PDE4B: variants seen among roughly 807,000 people sequenced by gnomAD.
PDE4B encodes the protein phosphodiesterase 4B.
Under a neutral mutation model 82.2 loss-of-function variants are expected in PDE4B, and 20 were observed. The observed-to-expected ratio is 0.24, with a 90% confidence interval of 0.17 to 0.35. PDE4B has a LOEUF of 0.35. PDE4B is among the 10% of genes least tolerant of loss of function. PDE4B has a pLI of 1.00. For synonymous variants in PDE4B, 320 were observed against 318.9 expected, an observed-to-expected ratio of 1.00 and a Z score of -0.04; for missense variants, 655 against 907.2, an observed-to-expected ratio of 0.72 and a Z score of 3.57.
Position 65,918,744 on chromosome 1 carries a change from A to G in PDE4B, c.190A>G (p.Arg64Gly). 1 of 1,613,960 alleles carries G rather than the reference A, an allele frequency of 6.2e-7. No individual in the cohort carries two copies. The highest frequency in any genetic ancestry group is 8.5e-7 in the Non-Finnish European group (1 of 1,179,796). Residue 64 changes from arginine to glycine, a missense_variant, in exon 3 of 17, where the codon AGG (arginine) becomes GGG (glycine). This residue lies in a region of PDE4B where 253 missense variants were observed against 275.6 expected (regional missense o/e 0.92). Transcript: ENST00000341517. ...PLSQRQSERA[R>G]TPEGDGISRP... ...GTCTCAAAGACAGAGTGAAAGGGCA[A>G]GGACTCCTGAGGGAGATGGTATTTC...
intron 3 of PDE4B, among the ~76,000 whole-genome samples, chr1:66,163,146 T>C (rs953165): frequency 0.53 from 81,218 of 152,048 alleles, 24,270 homozygotes; most frequent in Non-Finnish European, 0.68. Flanking sequence ...TAATCTAATC[T>C]AATTCTTCCC....
chr1:65,918,692 C>G lies in PDE4B; in HGVS notation c.138C>G (p.Cys46Trp). The G allele has an allele frequency of 6.2e-7, 1 of 1,613,438 alleles. No homozygotes were observed. Among genetic ancestry groups the G allele is most frequent in the Non-Finnish European group, 8.5e-7 (1 of 1,179,392 alleles). ...ACCTCTGGAGAGGGAGAAGGTGTTG[C>G]TCAGGAAACTTACAGTTACCACCAC... ...GIDLWRGRRCCSGNLQLPPLS... is the reference protein window; with the variant it reads ...GIDLWRGRRCWSGNLQLPPLS... The change falls in exon 3 of 17, where the codon TGC becomes TGG. Residue 46 changes from cysteine (C) to tryptophan (W), a missense_variant. Cys to Trp is a radical substitution (Grantham distance 215). Around this residue, in one of 3 missense-constraint regions of PDE4B, gnomAD observed 253 missense variants for 275.6 expected, o/e 0.92. Transcript: ENST00000341517.
At chr1:65,959,968 C>T (rs1180601996) in intron 3 of PDE4B, among the ~76,000 whole-genome samples, 1 of 152,124 alleles carries the variant, frequency 6.6e-6, no homozygotes, top group African/African-American at 2.4e-5. Context: ...TCCTGAGCCT[C>T]CTAAACTGCA....
At chr1:66,287,687 G>A (rs1388537548) in intron 7 of PDE4B, among the ~76,000 whole-genome samples, 3 of 152,180 alleles carry the variant, frequency 2.0e-5, no homozygotes, top group South Asian at 2.1e-4. Flanking sequence ...CAATAATATC[G>A]CCTACGTTTT....
intron 3 of PDE4B, among the ~76,000 whole-genome samples, chr1:66,095,957 G>A (rs1165306124): frequency 1.3e-5 from 2 of 151,708 alleles, no homozygotes; most frequent in South Asian, 2.1e-4. Flanking sequence ...TACATATAAT[G>A]TGTATTGATG....
chr1:66,227,262 T>C (rs966529058), intron 3 of PDE4B, among the ~76,000 whole-genome samples: 2 of 152,254 alleles, frequency 1.3e-5, no homozygotes, highest in Non-Finnish European at 2.9e-5. Context: ...AGTTTGTGTC[T>C]TTGGTACAGA....
At chr1:65,803,773 A>G (rs1370142375) in intron 1 of PDE4B, among the ~76,000 whole-genome samples, 5 of 152,224 alleles carry the variant, frequency 3.3e-5, no homozygotes, top group South Asian at 2.1e-4. Flanking sequence ...TACTAAAAAA[A>G]TCTTCAATAA....
intron 8 of PDE4B, among the ~76,000 whole-genome samples, chr1:66,337,647 T>C (rs1660634018): frequency 6.6e-6 from 1 of 152,186 alleles, no homozygotes. Flanking sequence ...CCTTCCAGGC[T>C]GTTATGGAGG....
At chr1:66,302,141 G>GA (rs1557688360) in intron 7 of PDE4B, among the ~76,000 whole-genome samples, 1 of 152,180 alleles carries the variant, frequency 6.6e-6, no homozygotes, top group East Asian at 1.9e-4. Flanking sequence ...GAGGAATCAA[G>GA]AAGAGCCTGA....
chr1:65,982,547 C>T (rs769029162), intron 3 of PDE4B, among the ~76,000 whole-genome samples: 12 of 152,134 alleles, frequency 7.9e-5, no homozygotes, highest in Non-Finnish European at 1.5e-4. Context: ...TTAATCCAAT[C>T]AACCATCTCA....
At chr1:66,053,716 G>A (rs557837683) in intron 3 of PDE4B, among the ~76,000 whole-genome samples, 2 of 152,064 alleles carry the variant, frequency 1.3e-5, no homozygotes, top group Non-Finnish European at 2.9e-5. Context: ...AAAATTGGCC[G>A]GGGGTGGTGG....
At chr1:66,352,018 A>T (rs774280445) in intron 8 of PDE4B, among the ~76,000 whole-genome samples, 1 of 152,046 alleles carries the variant, frequency 6.6e-6, no homozygotes, top group Non-Finnish European at 1.5e-5. Context: ...TGCCTTTCTT[A>T]GTTTGTACAG....
chr1:65,935,952 A>C (rs904191530), intron 3 of PDE4B, among the ~76,000 whole-genome samples: 3 of 148,646 alleles, frequency 2.0e-5, no homozygotes, highest in Admixed American at 1.3e-4. Flanking sequence ...AAAACAAAAC[A>C]ACAACAACAA....
At chr1:65,992,209 T>G (rs1244915726) in intron 3 of PDE4B, among the ~76,000 whole-genome samples, 1 of 152,210 alleles carries the variant, frequency 6.6e-6, no homozygotes. Context: ...TAGCTAGCTT[T>G]TTTTGACAAT....
At chr1:66,348,466 G>T (rs1161515611) in intron 8 of PDE4B, among the ~76,000 whole-genome samples, 1 of 152,048 alleles carries the variant, frequency 6.6e-6, no homozygotes. Context: ...AAATGAAATT[G>T]TGATGCTCCA....
intron 3 of PDE4B, among the ~76,000 whole-genome samples, chr1:66,086,044 T>C (rs1165569949): frequency 6.6e-6 from 1 of 152,114 alleles, no homozygotes; most frequent in Admixed American, 6.6e-5. Flanking sequence ...AGGAAACCTA[T>C]GCAATCCCAC....
At chr1:65,921,261 C>A (rs2100486295) in intron 3 of PDE4B, among the ~76,000 whole-genome samples, 1 of 152,166 alleles carries the variant, frequency 6.6e-6, no homozygotes, top group East Asian at 1.9e-4. Flanking sequence ...AGCCACCGCG[C>A]CCGGCCCTAA....
At chr1:66,294,789 A>G (rs1326913084) in intron 7 of PDE4B, among the ~76,000 whole-genome samples, 2 of 152,182 alleles carry the variant, frequency 1.3e-5, no homozygotes, top group Non-Finnish European at 2.9e-5. Flanking sequence ...TGACTACATT[A>G]AAAGAGAAAG....
chr1:66,223,442 C>T (rs1651166554), intron 3 of PDE4B, among the ~76,000 whole-genome samples: 1 of 152,198 alleles, frequency 6.6e-6, no homozygotes, highest in Admixed American at 6.5e-5. Flanking sequence ...CCTCAGTTAT[C>T]CTCAGTAGTC....
Sources: gnomAD v4.1 joint callset for allele counts (sites outside exome capture counted in the v4.1 genomes callset) on GRCh38, gnomAD v4.1.1 for gene constraint, gnomAD v4.1.1 regional missense constraint, MANE v1.5 for transcripts, NCBI Gene and HGNC (gene_info 2026-07-23, HGNC 2026-07-21) for gene names.